Variants in STK32B observed in about 807,000 individuals in gnomAD.
STK32B encodes the protein serine/threonine kinase 32B.
STK32B carries 43 observed loss-of-function variants against 52.6 expected under a neutral mutation model. That is an observed-to-expected ratio of 0.82 (90% CI 0.64 to 1.05). STK32B has a LOEUF of 1.05. Among genes scored for constraint, STK32B ranks in the 50% least tolerant of loss-of-function variants. The pLI is 0.00. For synonymous variants in STK32B, 238 were observed against 204.3 expected, an observed-to-expected ratio of 1.17 and a Z score of -1.41; for missense variants, 621 against 534.6, an observed-to-expected ratio of 1.16 and a Z score of -1.59.
chr4:5,336,683 A>G (rs28457064), intron 4 of STK32B, among the ~76,000 whole-genome samples: 1,718 of 152,330 alleles, frequency 0.011, 21 homozygotes, highest in South Asian at 0.057. Flanking sequence ...AAAGTAGAGT[A>G]AAAAGACAAA....
At chr4:5,193,239 G>A (rs1475999864) in intron 3 of STK32B, among the ~76,000 whole-genome samples, 1 of 152,102 alleles carries the variant, frequency 6.6e-6, no homozygotes, top group Non-Finnish European at 1.5e-5. Context: ...TTGTGTCACT[G>A]CTGCTCTGCA....
chr4:5,309,794 G>T (rs1730169937), intron 3 of STK32B, among the ~76,000 whole-genome samples: 1 of 152,110 alleles, frequency 6.6e-6, no homozygotes, highest in African/African-American at 2.4e-5. Flanking sequence ...GAAAATATAG[G>T]GGAAATGCTT....
chr4:5,408,368 C>T (rs764175287), intron 5 of STK32B, among the ~76,000 whole-genome samples: 20 of 152,018 alleles, frequency 1.3e-4, no homozygotes, highest in Non-Finnish European at 2.5e-4. Flanking sequence ...GCACCTACCC[C>T]CGTCTCTCTT....
intron 3 of STK32B, among the ~76,000 whole-genome samples, chr4:5,301,142 A>T (rs1174564086): frequency 6.6e-6 from 1 of 152,026 alleles, no homozygotes; most frequent in Non-Finnish European, 1.5e-5. Flanking sequence ...CTTGCTCATG[A>T]TGTATAATGC....
chr4:5,207,340 G>A (rs572541002), intron 3 of STK32B, among the ~76,000 whole-genome samples: 32 of 152,244 alleles, frequency 2.1e-4, no homozygotes, highest in African/African-American at 5.8e-4. Context: ...AGGTTTTCCC[G>A]TGCTTTTCTC....
chr4:5,282,349 C>T (rs888763597), intron 3 of STK32B, among the ~76,000 whole-genome samples: 3 of 152,164 alleles, frequency 2.0e-5, no homozygotes, highest in South Asian at 4.1e-4. Flanking sequence ...TATAGTTAGC[C>T]TTCCATATCT....
intron 3 of STK32B, among the ~76,000 whole-genome samples, chr4:5,259,719 G>C (rs1024401150): frequency 6.6e-6 from 1 of 152,114 alleles, no homozygotes; most frequent in African/African-American, 2.4e-5. Flanking sequence ...CAGAAACCAT[G>C]TGCTGGGATG....
At chr4:5,304,239 A>C (rs1729766880) in intron 3 of STK32B, among the ~76,000 whole-genome samples, 1 of 152,050 alleles carries the variant, frequency 6.6e-6, no homozygotes. Context: ...ATTGATGGGA[A>C]TTGCATTGAA....
chr4:5,145,527 T>G (rs888196090), intron 2 of STK32B, among the ~76,000 whole-genome samples: 1 of 152,222 alleles, frequency 6.6e-6, no homozygotes, highest in Non-Finnish European at 1.5e-5. Context: ...CAAAGTCAAC[T>G]ACTCCATCCA....
At chr4:5,113,699 G>A (rs16836654) in intron 1 of STK32B, among the ~76,000 whole-genome samples, 39,765 of 152,006 alleles carry the variant, frequency 0.26, 5,438 homozygotes, top group South Asian at 0.31. Context: ...CAAAGCCTCC[G>A]CAGCCCCTCA....
intron 3 of STK32B, among the ~76,000 whole-genome samples, chr4:5,202,014 T>C (rs1463210399): frequency 6.6e-6 from 1 of 152,122 alleles, no homozygotes; most frequent in Non-Finnish European, 1.5e-5. Context: ...CTTAACTCAT[T>C]CCAGCATTAA....
rs1054605901 is a variant in STK32B, at chr4:5,468,062, C to T, written c.1098C>T (p.Asn366=). The change falls in exon 11 of 12, where the codon AAC becomes AAT. Residue 366 remains asparagine, a synonymous_variant. Coordinates refer to ENST00000282908, the MANE Select transcript of STK32B (RefSeq NM_018401.3). Reference sequence around the variant, plus strand: ...TCCGGGAGGAATTCATCATATTCAACAGAGAGAAGTAAGTCCTTCATACTG... The same window carrying T: ...TCCGGGAGGAATTCATCATATTCAATAGAGAGAAGTAAGTCCTTCATACTG... ...ETVREEFIIF[N]REKLRRQQGQ... is the part of the protein sequence containing the mutation. 1 of 1,614,132 alleles carries T rather than the reference C, an allele frequency of 6.2e-7. No individual in the cohort carries two copies. Among genetic ancestry groups the T allele is most frequent in the Non-Finnish European group, 8.5e-7 (1 of 1,179,982 alleles).
At chr4:5,207,358 C>T (rs1031011484) in intron 3 of STK32B, among the ~76,000 whole-genome samples, 6 of 152,078 alleles carry the variant, frequency 3.9e-5, no homozygotes, top group South Asian at 2.1e-4. Flanking sequence ...CTCGTGATAG[C>T]GAATAAGTTT....
intron 1 of STK32B, among the ~76,000 whole-genome samples, chr4:5,101,169 A>C (rs1713765801): frequency 6.6e-6 from 1 of 152,170 alleles, no homozygotes; most frequent in Non-Finnish European, 1.5e-5. Context: ...TCAGCCTCCC[A>C]AGTTGCTGGA....
chr4:5,483,749 A>T (rs1718916872), intron 11 of STK32B, among the ~76,000 whole-genome samples: 1 of 150,752 alleles, frequency 6.6e-6, no homozygotes, highest in Non-Finnish European at 1.5e-5. Flanking sequence ...CCCTCTACAC[A>T]CTGCTTTGAA....
intron 3 of STK32B, among the ~76,000 whole-genome samples, chr4:5,212,804 A>G (rs956594238): frequency 6.6e-5 from 10 of 152,182 alleles, no homozygotes; most frequent in African/African-American, 2.4e-4. Context: ...ATAAAATTTC[A>G]TGAGTGATGA....
intron 3 of STK32B, among the ~76,000 whole-genome samples, chr4:5,297,482 C>A (rs1199816874): frequency 1.3e-5 from 2 of 151,822 alleles, no homozygotes; most frequent in Non-Finnish European, 1.5e-5. Flanking sequence ...TCTTTTCATT[C>A]TTTTTTCTCT....
chr4:5,362,895 T>G (rs917051729), intron 4 of STK32B, among the ~76,000 whole-genome samples: 22 of 152,214 alleles, frequency 1.4e-4, no homozygotes, highest in Non-Finnish European at 1.3e-4. Flanking sequence ...CTTTCATCAA[T>G]TCAACCTCCA....
chr4:5,166,196 C>T (rs1023020869), intron 2 of STK32B, among the ~76,000 whole-genome samples: 3 of 152,050 alleles, frequency 2.0e-5, no homozygotes, highest in Admixed American at 1.3e-4. Context: ...CTCAAGCCAA[C>T]AGCGTTATTG....
Sources: gnomAD v4.1 joint callset for allele counts (sites outside exome capture counted in the v4.1 genomes callset) on GRCh38, gnomAD v4.1.1 for gene constraint, MANE v1.5 for transcripts, NCBI Gene and HGNC (gene_info 2026-07-23, HGNC 2026-07-21) for gene names.